The following ZNF600 variants were observed in gnomAD, a reference collection of about 807,000 sequenced individuals.
ZNF600 encodes zinc finger protein 600.
A neutral mutation model predicts 7.3 loss-of-function variants in ZNF600; 4 were observed. The ratio of observed to expected loss-of-function variants is 0.55; its 90% CI spans 0.27 to 1.25. The LOEUF is 1.25. Among genes scored for constraint, ZNF600 ranks in the 50% most tolerant of loss-of-function variants. ZNF600 has a pLI of 0.12. For synonymous variants in ZNF600, 290 were observed against 308.9 expected, an observed-to-expected ratio of 0.94 and a Z score of 0.64; for missense variants, 911 against 922.1, an observed-to-expected ratio of 0.99 and a Z score of 0.16.
intron 3 of ZNF600, among the ~76,000 whole-genome samples, chr19:52,768,163 A>AT (rs2062604096): frequency 6.6e-6 from 1 of 152,138 alleles, no homozygotes; most frequent in South Asian, 2.1e-4. Flanking sequence ...CTAAAAAAAA[A>AT]ACAAAGAAAC....
chr19:52,806,842 C>T, the ZNF600 span, among the ~76,000 whole-genome samples: 335 of 152,186 alleles, frequency 2.2e-3, 1 homozygote, highest in African/African-American at 7.3e-3. Context: ...GCAGAGGCTG[C>T]AGTTAGCCAA....
At chr19:52,787,868 AAAAG>A (rs1260481777), upstream of ZNF600, among the ~76,000 whole-genome samples, 57 of 103,290 alleles carry the variant, frequency 5.5e-4, 1 homozygote, top group African/African-American at 1.6e-3. Context: ...TCAAAAAAAA[AAAAG>A]AAAAAGAAAA....
At chr19:52,826,631 G>A in the ZNF600 span, among the ~76,000 whole-genome samples, 1 of 151,918 alleles carries the variant, frequency 6.6e-6, no homozygotes, top group South Asian at 2.1e-4. Flanking sequence ...GCTTGAACCC[G>A]GGAGGCAGAG....
At chr19:52,818,103 C>T in the ZNF600 span, 34,512 of 1,394,286 alleles carry the variant, frequency 0.025, 516 homozygotes, top group Non-Finnish European at 0.027. Flanking sequence ...ACAACACATA[C>T]AAAGGAGACT....
intron 1 of ZNF600, among the ~76,000 whole-genome samples, chr19:52,781,735 C>T (rs1305138116): frequency 6.6e-6 from 1 of 150,938 alleles, no homozygotes; most frequent in African/African-American, 2.5e-5. Flanking sequence ...TGCATTCCAG[C>T]CTAGGTGATA....
chr19:52,790,497 A>AAAAT (rs1257197036), upstream of ZNF600, among the ~76,000 whole-genome samples: 73 of 152,044 alleles, frequency 4.8e-4, no homozygotes, highest in Middle Eastern at 0.017. Context: ...ACTCCATTTC[A>AAAAT]AAATAAATAA....
At chr19:52,813,661 G>A in the ZNF600 span, among the ~76,000 whole-genome samples, 1 of 142,954 alleles carries the variant, frequency 7.0e-6, no homozygotes, top group Non-Finnish European at 1.5e-5. Flanking sequence ...AGATTGCCTG[G>A]TGATCTATTT....
chr19:52,819,398 C>CT, the ZNF600 span, among the ~76,000 whole-genome samples: 82,814 of 135,376 alleles, frequency 0.61, 28,644 homozygotes, highest in Non-Finnish European at 0.71. Context: ...CATTCTATTG[C>CT]TTTTTTTTTT....
chr19:52,765,305 T>C (rs1395961179), exon 4 of ZNF600: 3 of 658,194 alleles, frequency 4.6e-6, no homozygotes, highest in Admixed American at 3.8e-5. Flanking sequence ...GGTGTGAACA[T>C]GAAGTAAAGG....
chr19:52,771,682 T>C (rs2062631468), intron 3 of ZNF600, among the ~76,000 whole-genome samples: 2 of 152,360 alleles, frequency 1.3e-5, no homozygotes, highest in South Asian at 4.1e-4. Context: ...TTCACCATGT[T>C]GGCCAGGCTG....
chr19:52,809,844 G>T, the ZNF600 span: 1 of 575,340 alleles, frequency 1.7e-6, no homozygotes, highest in Non-Finnish European at 3.0e-6. Context: ...CGGCGGTGGC[G>T]GTGGTGGCAG....
chr19:52,801,117 C>G, the ZNF600 span: 1 of 1,614,096 alleles, frequency 6.2e-7, no homozygotes, highest in Non-Finnish European at 8.5e-7. Flanking sequence ...ATCACATTTA[C>G]ATTGTTTCTC....
At chr19:52,819,396 T>TG in the ZNF600 span, among the ~76,000 whole-genome samples, 1 of 81,098 alleles carries the variant, frequency 1.2e-5, no homozygotes, top group Non-Finnish European at 3.1e-5. Context: ...TCCATTCTAT[T>TG]GCTTTTTTTT....
At chr19:52,800,385 C>T in the ZNF600 span, 10 of 1,613,620 alleles carry the variant, frequency 6.2e-6, no homozygotes, top group African/African-American at 1.3e-5. Context: ...AGTATGAATC[C>T]TCCTATGTCT....
At chr19:52,772,203 G>T (rs1282197534) in intron 3 of ZNF600, among the ~76,000 whole-genome samples, 3 of 152,044 alleles carry the variant, frequency 2.0e-5, no homozygotes, top group Non-Finnish European at 2.9e-5. Context: ...AGCTACTTGG[G>T]ACCCTGAGGC....
the ZNF600 span, among the ~76,000 whole-genome samples, chr19:52,802,747 C>G: frequency 6.8e-6 from 1 of 147,140 alleles, no homozygotes; most frequent in South Asian, 2.1e-4. Context: ...CCATGTGGAA[C>G]AGGCACGTTG....
Position 52,776,298 on chromosome 19 carries a change from T to C in ZNF600, c.64-1597A>G, listed in dbSNP as rs143684003. ...GATACAGCTTTAAACTAAACTGACA[T>C]GGGTTTATCTAGTGGAGAGAATGTG... On this transcript the variant is annotated intron_variant, in intron 2 of 3. Coordinates refer to ENST00000648973, the Ensembl canonical transcript of ZNF600. 2.3e-3 allele frequency among the ~76,000 whole-genome samples: 345 copies of C among 152,042 alleles called. 1 individual carries two copies. Among genetic ancestry groups the C allele is most frequent in the African/African-American group, 7.1e-3 (296 of 41,494 alleles).
the ZNF600 span, among the ~76,000 whole-genome samples, chr19:52,831,114 G>A: frequency 6.6e-6 from 1 of 152,056 alleles, no homozygotes; most frequent in African/African-American, 2.4e-5. Context: ...TCAACAATAT[G>A]CCTTGTATAG....
chr19:52,800,917 G>A, the ZNF600 span: 26 of 1,613,850 alleles, frequency 1.6e-5, no homozygotes, highest in Admixed American at 3.3e-5. Flanking sequence ...TGTGATTTGC[G>A]ACTGAAAACT....
Sources: allele counts gnomAD v4.1 joint callset (sites outside exome capture counted in the v4.1 genomes callset), GRCh38; gene constraint gnomAD v4.1.1; transcripts MANE v1.5; gene names NCBI Gene and HGNC (gene_info 2026-07-23, HGNC 2026-07-21).